PABPC1: variants seen among roughly 807,000 people sequenced by gnomAD.
PABPC1 encodes the protein polyadenylate-binding protein 1.
PABPC1 carries 4 observed loss-of-function variants against 74.0 expected under a neutral mutation model. That is an observed-to-expected ratio of 0.05 (90% confidence interval 0.03 to 0.12). PABPC1 has a LOEUF of 0.12. PABPC1 is among the 10% of genes least tolerant of loss of function. PABPC1 has a pLI of 1.00. For synonymous variants in PABPC1, 227 were observed against 264.1 expected (o/e 0.86, Z 1.36); for missense variants, 271 against 821.1 (o/e 0.33, Z 8.19).
At chr8:100,707,397 A>G (rs1363933433) in intron 9 of PABPC1, among the ~76,000 whole-genome samples, 1 of 152,074 alleles carries the variant, frequency 6.6e-6, no homozygotes, top group East Asian at 1.9e-4. Context: ...GAAACAAAAC[A>G]CAAGGGGCAG....
intron 11 of PABPC1, 134 bp from the exon 12 acceptor site, chr8:100,705,807 A>G (rs1382934503): frequency 1.5e-6 from 1 of 662,574 alleles, no homozygotes; most frequent in Non-Finnish European, 2.7e-6. Context: ...TGAGCGAATT[A>G]GAAAGAAGCC....
chr8:100,710,462 A>G (rs1587153059), intron 7 of PABPC1, among the ~76,000 whole-genome samples: 1 of 152,376 alleles, frequency 6.6e-6, no homozygotes, highest in African/African-American at 2.4e-5. Context: ...TAAAGTTAAC[A>G]TTTTAAAGTA....
rs1810722159 is a variant in PABPC1, at chr8:100,718,195, A to C, written c.279T>G (p.Leu93=). The stretch of plus-strand genomic sequence containing the variant: ...ATATGTTGCCTACTCCACTTTTGCG[A>C]AGTGATGGATCACGCTGAGACCACA... ...RIMWSQRDPS[L]RKSGVGNIFI... The change falls in exon 2 of 15, where the codon CTT becomes CTG. Residue 93 remains leucine, a synonymous_variant. Coordinates refer to ENST00000318607, the MANE Select transcript of PABPC1 (RefSeq NM_002568.4). 1.2e-6 allele frequency: 2 copies of C among 1,614,134 alleles called. No individual in the cohort carries two copies. Among genetic ancestry groups the C allele is most frequent in the Non-Finnish European group, 1.7e-6 (2 of 1,180,044 alleles).
intron 3 of PABPC1, among the ~76,000 whole-genome samples, chr8:100,716,945 T>C (rs1035471607): frequency 1.3e-5 from 2 of 152,260 alleles, no homozygotes; most frequent in Admixed American, 1.3e-4. Context: ...CATTCTTTTC[T>C]GGATCCTGCC....
At chr8:100,712,606 G>T (rs1258196258) in intron 6 of PABPC1, 46 bp downstream of exon 6, 20 of 1,576,554 alleles carry the variant, frequency 1.3e-5, no homozygotes, top group Non-Finnish European at 1.7e-5. Flanking sequence ...CGTAAAATAG[G>T]TTTCCTCATC....
chr8:100,712,629 TG>T, intron 6 of PABPC1, 22 bp downstream of exon 6: 1 of 1,595,360 alleles, frequency 6.3e-7, no homozygotes. Flanking sequence ...TGTCTTATTT[TG>T]GTTGTTCAAT....
rs942153925 is a variant in PABPC1 at position 100,721,724 on chromosome 8, A to C, written c.-141T>G. The C allele has an allele frequency of 8.8e-6, 6 of 683,236 alleles. No individual in the cohort carries two copies. The highest frequency in any genetic ancestry group is 1.9e-5 in the African/African-American group (1 of 53,562). The allele number at this position is 683,236 out of a possible 1,614,324, so 42.3% of individuals were successfully genotyped here. ...GGACAAAAATCAACCGGAATTGAAA[A>C]CTACTCAACGGCCGCAGAACGGGGT... On this transcript the variant is annotated 5_prime_UTR_variant, in exon 1 of 15. Coordinates refer to ENST00000318607, the MANE Select transcript of PABPC1 (RefSeq NM_002568.4). This position sits in a 1 kb window ranked among gnomAD's most constrained non-coding sequence, Gnocchi z 7.4.
In PABPC1 at chr8:100,709,170, T is replaced by C. The variant is rs949491355; in HGVS notation, c.1299A>G (p.Pro433=). The change falls in exon 9 of 15, where the codon CCA becomes CCG. Residue 433 remains proline, a synonymous_variant. Transcript: ENST00000318607. The part of the protein sequence containing the change: ...YPPSQIAQLR[P]SPRWTAQGAR... The stretch of plus-strand genomic sequence containing the variant: ...CACCCTGAGCAGTCCAGCGAGGACT[T>C]GGTCTTAGTTGAGCAATTTGGCTAG... 1 of 1,614,094 alleles carries C rather than the reference T, an allele frequency of 6.2e-7. No homozygotes were observed. Among genetic ancestry groups the C allele is most frequent in the African/African-American group, 1.3e-5 (1 of 75,038 alleles).
In PABPC1 at chr8:100,721,186, C is replaced by A. The variant is rs370763270; in HGVS notation, c.193+205G>T. Among the ~76,000 whole-genome samples the A allele has an allele frequency of 4.6e-3, 700 of 152,128 alleles. 3 individuals are homozygous for A. Among genetic ancestry groups the A allele is most frequent in the Middle Eastern group, 0.034 (10 of 294 alleles). ...AAAATGGTCGCAAAGGAGGAAGTAG[C>A]CGGGCGTGTGGCTGCCGGCAGCGCG... On this transcript the variant is annotated intron_variant, in intron 1 of 14. Coordinates refer to ENST00000318607, the MANE Select transcript of PABPC1 (RefSeq NM_002568.4). This position sits in a 1 kb window ranked among gnomAD's most constrained non-coding sequence, Gnocchi z 7.4.
At position 100,704,319 on chromosome 8, in the gene PABPC1, G is replaced by A; in HGVS notation, c.1890C>T (p.Ala630=). 1 of 1,613,658 alleles carries A rather than the reference G, an allele frequency of 6.2e-7. No individual in the cohort carries two copies. The highest frequency in any genetic ancestry group is 8.5e-7 in the Non-Finnish European group (1 of 1,179,594). ...CACTTTAAACAGTTGGAACACCGGTGGCACTGTTAACTGCTTTCTGGGCAG... is the reference window on the plus strand; with the variant it reads ...CACTTTAAACAGTTGGAACACCGGTAGCACTGTTAACTGCTTTCTGGGCAG... ...KEAAQKAVNS[A]TGVPTV The change falls in exon 14 of 15, where the codon GCC becomes GCT. Residue 630 remains alanine, a synonymous_variant. Transcript: ENST00000318607.
intron 1 of PABPC1, among the ~76,000 whole-genome samples, chr8:100,718,546 G>C (rs535205560): frequency 6.6e-6 from 1 of 152,244 alleles, no homozygotes; most frequent in East Asian, 1.9e-4. Flanking sequence ...ATAAATTCTT[G>C]ACGCAATCTC....
chr8:100,707,845 G>A (rs765355427), intron 9 of PABPC1, among the ~76,000 whole-genome samples: 16 of 152,202 alleles, frequency 1.1e-4, no homozygotes, highest in African/African-American at 3.4e-4. Context: ...GCTAGACCTC[G>A]GTCCGCCTGG....
intron 4 of PABPC1, among the ~76,000 whole-genome samples, chr8:100,714,559 C>A (rs747018201): frequency 6.6e-6 from 1 of 151,822 alleles, no homozygotes; most frequent in African/African-American, 2.4e-5. Flanking sequence ...GGTGAAACCC[C>A]GTCTCTAATA....
In PABPC1 at chr8:100,721,925, A is replaced by T. The variant is rs1346613307; in HGVS notation, c.-342T>A. The T allele has an allele frequency of 1.3e-5, 3 of 239,856 alleles. No individual in the cohort carries two copies. The Admixed American group carries it at 1.7e-4, about 13-fold the overall frequency. The allele number at this position is 239,856 out of a possible 1,614,324, so 14.9% of individuals were successfully genotyped here. On this transcript the variant is annotated 5_prime_UTR_variant, in exon 1 of 15. Coordinates refer to ENST00000318607, the MANE Select transcript of PABPC1 (RefSeq NM_002568.4). The surrounding 1 kb of genome is among the most constrained non-coding windows in gnomAD (Gnocchi z 7.4). ...TTATTTTATAAAAGAGGAAGAAAAA[A>T]AATAAAAGTCTCCGGCGGGGGAGAC... is the stretch of plus-strand genomic sequence containing the variant.
chr8:100,708,468 C>CT (rs1418289816), intron 9 of PABPC1, among the ~76,000 whole-genome samples: 1 of 151,964 alleles, frequency 6.6e-6, no homozygotes, highest in Non-Finnish European at 1.5e-5. Flanking sequence ...AAAATAAACT[C>CT]TAAGTGCTCT....
chr8:100,714,591 C>T (rs1369238187), intron 4 of PABPC1, among the ~76,000 whole-genome samples: 1 of 152,024 alleles, frequency 6.6e-6, no homozygotes, highest in Non-Finnish European at 1.5e-5. Flanking sequence ...ATTAGCTGGG[C>T]ATGGTGGCGC....
intron 13 of PABPC1, 27 bp from the exon 14 acceptor site, chr8:100,704,417 G>C (rs552174861): frequency 1.3e-6 from 2 of 1,563,778 alleles, no homozygotes; most frequent in Non-Finnish European, 1.8e-6. Flanking sequence ...CAGATAAACT[G>C]GTTCAGGAAA....
chr8:100,703,362 G>A lies in PABPC1; in HGVS notation c.*2-3C>T, dbSNP rs1264549518. 8.8e-6 allele frequency: 1 copy of A among 114,248 alleles called. No individual in the cohort carries two copies. Among genetic ancestry groups the A allele is most frequent in the Non-Finnish European group, 1.9e-5 (1 of 52,038 alleles). The allele number at this position is 114,248 out of a possible 1,614,324, so 7.1% of individuals were successfully genotyped here. ...TCTTTTCATGGTCCCTGATCAATCT[G>A]TAAATGTTAAAAAAACAAATTAAGA... On this transcript the variant is annotated splice_region_variant and splice_polypyrimidine_tract_variant and intron_variant, in intron 14 of 14. Coordinates refer to ENST00000318607, the MANE Select transcript of PABPC1 (RefSeq NM_002568.4).
At chr8:100,717,736 G>T in intron 3 of PABPC1, 37 bp downstream of exon 3, 3 of 1,212,498 alleles carry the variant, frequency 2.5e-6, no homozygotes, top group Non-Finnish European at 3.6e-6. Context: ...TTAAAAATAA[G>T]ATTCAAAATA....
Sources: gnomAD v4.1 joint callset for allele counts (sites outside exome capture counted in the v4.1 genomes callset) on GRCh38, gnomAD v4.1.1 for gene constraint, Gnocchi (gnomAD v3.1) non-coding constraint, MANE v1.5 for transcripts, NCBI Gene and HGNC (gene_info 2026-07-23, HGNC 2026-07-21) for gene names.